Variants in VTA1 observed in about 807,000 individuals in gnomAD.
The protein encoded by VTA1 is vacuolar protein sorting-associated protein VTA1 homolog.
A neutral mutation model predicts 36.9 loss-of-function variants in VTA1; 24 were observed. The ratio of observed to expected loss-of-function variants is 0.65; its 90% CI spans 0.47 to 0.91. The LOEUF (loss-of-function observed/expected upper bound fraction) is 0.91. Among genes scored for constraint, VTA1 ranks in the 40% least tolerant of loss-of-function variants. The probability of loss-of-function intolerance (pLI) is 0.00; values close to 1 mark genes in which losing one functional copy is unlikely to be tolerated. For missense variants in VTA1, 393 were observed against 377.2 expected, an observed-to-expected ratio of 1.04 and a Z score of -0.35; for synonymous variants, 142 against 130.2, an observed-to-expected ratio of 1.09 and a Z score of -0.62.
rs1774798562 is a variant in VTA1, at chr6:142,161,082, C to CG, written c.113-5146_113-5145insG. On this transcript the variant is annotated intron_variant, in intron 1 of 7. Transcript: ENST00000367630. ...ATTCATTCATGCTTCCTTCCTTCCC[C>CG]CCCCCCCCTTTTTTTGGGTCAAATA... Among the ~76,000 whole-genome samples, 2 of 139,216 alleles carry CG rather than the reference C, an allele frequency of 1.4e-5. 1 individual carries two copies. The highest frequency in any genetic ancestry group is 1.5e-4 in the Admixed American group (2 of 13,766). 91.3% of individuals were successfully genotyped at this position (139,216 alleles called of 152,430 possible). A position where few individuals can be genotyped will look rare whatever the true frequency, so the allele number is the denominator to read the frequency against.
At position 142,219,585 on chromosome 6, in the gene VTA1, G is replaced by C. The variant is rs1409758152; in HGVS notation, c.*942G>C. 1 of 152,132 alleles carries C rather than the reference G, an allele frequency of 6.6e-6. No individual in the cohort carries two copies. Among genetic ancestry groups the C allele is most frequent in the East Asian group, 1.9e-4 (1 of 5,202 alleles). The allele number at this position is 152,132 out of a possible 1,614,324, so 9.4% of individuals were successfully genotyped here. A position where few individuals can be genotyped will look rare whatever the true frequency, so the allele number is the denominator to read the frequency against. ...GTGTGAAAAATAAATACAAGGATTC[G>C]TTTAGCTAATTCAACTTACTACAAA... On this transcript the variant is annotated 3_prime_UTR_variant, in exon 8 of 8. Coordinates refer to ENST00000367630, the MANE Select transcript of VTA1 (RefSeq NM_016485.5).
intron 1 of VTA1, among the ~76,000 whole-genome samples, chr6:142,163,308 A>G (rs75700818): frequency 0.03 from 4,503 of 152,172 alleles, 151 homozygotes; most frequent in African/African-American, 0.071. Context: ...TAGGGAGGAA[A>G]AAAGGGAGAG....
chr6:142,200,475 A>T (rs1174102288), intron 6 of VTA1, among the ~76,000 whole-genome samples: 1 of 152,004 alleles, frequency 6.6e-6, no homozygotes. Context: ...ATCTCAAGGC[A>T]GAGTTGTGGT....
intron 7 of VTA1, among the ~76,000 whole-genome samples, chr6:142,204,999 C>T (rs1482121723): frequency 1.3e-5 from 2 of 152,182 alleles, no homozygotes; most frequent in African/African-American, 4.8e-5. Context: ...GCTGGGATTA[C>T]AGGCATGAGC....
At chr6:142,161,076 C>T (rs1440213133) in intron 1 of VTA1, among the ~76,000 whole-genome samples, 1 of 127,882 alleles carries the variant, frequency 7.8e-6, no homozygotes, top group Non-Finnish European at 1.6e-5. Context: ...TGCTTCCTTC[C>T]TTCCCCCCCC....
chr6:142,187,914 T>TTC (rs1554220202), intron 4 of VTA1, among the ~76,000 whole-genome samples: 5 of 126,162 alleles, frequency 4.0e-5, no homozygotes, highest in South Asian at 2.4e-4. Context: ...CTTTCTTTCT[T>TTC]TTTTTTTTTT....
intron 7 of VTA1, among the ~76,000 whole-genome samples, chr6:142,204,666 GGATTTAAATT>G (rs1775755067): frequency 1.7e-4 from 1 of 5,962 alleles, no homozygotes; most frequent in Non-Finnish European, 2.6e-4. Context: ...ATATTTAAAA[GGATTTAAATT>G]TTAATCCTTT....
intron 1 of VTA1, among the ~76,000 whole-genome samples, chr6:142,161,637 A>G (rs1774811613): frequency 6.6e-6 from 1 of 152,128 alleles, no homozygotes; most frequent in Non-Finnish European, 1.5e-5. Flanking sequence ...TAAATCAAAT[A>G]TATTTTCTTA....
At chr6:142,160,278 G>A (rs1403694837) in intron 1 of VTA1, among the ~76,000 whole-genome samples, 1 of 152,148 alleles carries the variant, frequency 6.6e-6, no homozygotes, top group Admixed American at 6.5e-5. Context: ...AATACCCAGG[G>A]TAACATATAG....
intron 4 of VTA1, among the ~76,000 whole-genome samples, chr6:142,183,142 C>T (rs1434542328): frequency 6.6e-6 from 1 of 152,138 alleles, no homozygotes; most frequent in African/African-American, 2.4e-5. Flanking sequence ...TGGCAAAAAT[C>T]ACAATTACTT....
intron 7 of VTA1, among the ~76,000 whole-genome samples, chr6:142,210,378 T>A (rs1775879530): frequency 6.6e-6 from 1 of 152,190 alleles, no homozygotes; most frequent in South Asian, 2.1e-4. Flanking sequence ...AAGATTTTTT[T>A]GTGTGTAAGA....
Position 142,223,351 on chromosome 6 carries a change from G to A in VTA1, c.*4708G>A, listed in dbSNP as rs1342771440. 1.3e-5 allele frequency: 2 copies of A among 152,174 alleles called. No individual in the cohort carries two copies. The highest frequency in any genetic ancestry group is 4.8e-5 in the African/African-American group (2 of 41,442). 9.4% of individuals were successfully genotyped at this position (152,174 alleles called of 1,614,324 possible). ...GGAGAAGGTGTTCCACATCATTAGGGAGTCTGGGTTTCCCAGATGTGCCTG... is the reference window on the plus strand; with the variant it reads ...GGAGAAGGTGTTCCACATCATTAGGAAGTCTGGGTTTCCCAGATGTGCCTG... On this transcript the variant is annotated 3_prime_UTR_variant, in exon 8 of 8. Transcript: ENST00000367630.
At chr6:142,184,261 C>G (rs1775299100) in intron 4 of VTA1, among the ~76,000 whole-genome samples, 1 of 152,012 alleles carries the variant, frequency 6.6e-6, no homozygotes, top group Admixed American at 6.5e-5. Flanking sequence ...TGTAGTTTAC[C>G]AAGATAGACC....
intron 4 of VTA1, among the ~76,000 whole-genome samples, chr6:142,178,799 G>C (rs1775172531): frequency 6.6e-6 from 1 of 151,820 alleles, no homozygotes; most frequent in Admixed American, 6.6e-5. Context: ...TATAGTAGAG[G>C]TTTTCAGACT....
At chr6:142,160,840 A>G (rs946559781) in intron 1 of VTA1, among the ~76,000 whole-genome samples, 1 of 152,180 alleles carries the variant, frequency 6.6e-6, no homozygotes, top group African/African-American at 2.4e-5. Flanking sequence ...AGTGTTCGCC[A>G]TGTGTCAGCA....
chr6:142,163,295 T>C (rs964987832), intron 1 of VTA1, among the ~76,000 whole-genome samples: 1 of 151,952 alleles, frequency 6.6e-6, no homozygotes. Flanking sequence ...ATATTCTAGG[T>C]AGTAGGGAGG....
intron 7 of VTA1, among the ~76,000 whole-genome samples, chr6:142,216,168 T>G (rs1562272583): frequency 6.6e-6 from 1 of 152,318 alleles, no homozygotes; most frequent in South Asian, 2.1e-4. Flanking sequence ...TAAGCTTATA[T>G]TGACCTTTTT....
chr6:142,171,488 CTT>C (rs1166367517), intron 4 of VTA1, among the ~76,000 whole-genome samples: 2 of 152,110 alleles, frequency 1.3e-5, no homozygotes, highest in African/African-American at 4.8e-5. Context: ...GCATATAAGA[CTT>C]AATATTTTAT....
At chr6:142,148,899 A>G (rs1167324530) in intron 1 of VTA1, among the ~76,000 whole-genome samples, 1 of 152,126 alleles carries the variant, frequency 6.6e-6, no homozygotes, top group African/African-American at 2.4e-5. Context: ...TAAGTAGACT[A>G]TTGTGACTGG....
Sources: allele counts gnomAD v4.1 joint callset (sites outside exome capture counted in the v4.1 genomes callset), GRCh38; gene constraint gnomAD v4.1.1; transcripts MANE v1.5; gene names NCBI Gene and HGNC (gene_info 2026-07-23, HGNC 2026-07-21).